Variants in RRN3 observed in about 807,000 individuals in gnomAD.
The protein encoded by RRN3 is RNA polymerase I transcription factor RRN3.
In RRN3, 38 loss-of-function variants were observed where a neutral mutation model predicts 82.3. The observed-to-expected ratio is 0.46, with a 90% CI of 0.36 to 0.61. The LOEUF (loss-of-function observed/expected upper bound fraction) is 0.61. Among genes scored for constraint, RRN3 ranks in the 20% least tolerant of loss-of-function variants. RRN3 has a pLI of 0.00. For missense variants in RRN3, 726 were observed against 793.1 expected (o/e 0.92, Z 1.02); for synonymous variants, 284 against 284.3 (o/e 1.00, Z 0.01).
chr16:15,088,214 T>C (rs536146598), intron 3 of RRN3, among the ~76,000 whole-genome samples: 41 of 152,288 alleles, frequency 2.7e-4, no homozygotes, highest in Non-Finnish European at 4.9e-4. Context: ...GGCTCATGCC[T>C]GTAATCCCAG....
At chr16:15,068,551 A>T (rs1039481659) in intron 14 of RRN3, among the ~76,000 whole-genome samples, 1 of 152,174 alleles carries the variant, frequency 6.6e-6, no homozygotes, top group Non-Finnish European at 1.5e-5. Flanking sequence ...TGTGAAATTC[A>T]TATGTTTGCA....
chr16:15,064,630 C>A (rs2044876856), intron 16 of RRN3, among the ~76,000 whole-genome samples: 2 of 152,190 alleles, frequency 1.3e-5, no homozygotes, highest in Non-Finnish European at 2.9e-5. Flanking sequence ...GTTTAAATAA[C>A]AGTTTAAAGA....
intron 10 of RRN3, among the ~76,000 whole-genome samples, chr16:15,075,244 C>A (rs1358913859): frequency 6.8e-6 from 1 of 146,040 alleles, no homozygotes; most frequent in African/African-American, 2.5e-5. Context: ...AGACTCTGTG[C>A]CCCACCAAAA....
intron 3 of RRN3, among the ~76,000 whole-genome samples, chr16:15,088,312 G>T (rs1022961302): frequency 6.6e-6 from 1 of 152,068 alleles, no homozygotes; most frequent in Non-Finnish European, 1.5e-5. Context: ...CTCATCTCCA[G>T]AAAAATTAGC....
intron 17 of RRN3, 70 bp from the exon 18 acceptor site, chr16:15,061,975 T>C: frequency 6.9e-7 from 1 of 1,442,690 alleles, no homozygotes; most frequent in Non-Finnish European, 9.6e-7. Flanking sequence ...AATTCCTTCC[T>C]CAGGAAGGTG....
At chr16:15,063,096 C>T (rs4012850) in intron 17 of RRN3, 100 bp downstream of exon 17, 12 of 889,138 alleles carry the variant, frequency 1.3e-5, no homozygotes, top group Admixed American at 6.9e-5. Flanking sequence ...CCCTAAAGTG[C>T]GGGGATTACA....
intron 11 of RRN3, 35 bp from the exon 12 acceptor site, chr16:15,073,115 A>G (rs888013718): frequency 4.4e-6 from 7 of 1,597,772 alleles, no homozygotes; most frequent in East Asian, 2.2e-5. Flanking sequence ...GTTTTTATAA[A>G]GACATATTTT....
intron 12 of RRN3, among the ~76,000 whole-genome samples, chr16:15,072,297 T>A (rs1009230454): frequency 3.3e-5 from 5 of 151,576 alleles, no homozygotes; most frequent in African/African-American, 1.2e-4. Context: ...CTAAAGTTTT[T>A]AAAATTCTAG....
intron 11 of RRN3, among the ~76,000 whole-genome samples, chr16:15,073,963 A>C (rs867581317): frequency 2.6e-5 from 4 of 152,192 alleles, no homozygotes; most frequent in Middle Eastern, 3.2e-3. Flanking sequence ...TAAAGGGCAG[A>C]TTATGAAACA....
chr16:15,074,224 C>G lies in RRN3; in HGVS notation c.997+499G>C, dbSNP rs527635616. On this transcript the variant is annotated intron_variant, in intron 11 of 17. Coordinates refer to ENST00000198767, the MANE Select transcript of RRN3 (RefSeq NM_018427.5). ...CAACTCAGATTCCAGTTCTATTATT[C>G]TGACTCACTGAGCTCATCTTAAATC... Among the ~76,000 whole-genome samples the G allele has an allele frequency of 8.5e-5, 13 of 152,276 alleles. No homozygotes were observed. In the South Asian group the frequency reaches 2.7e-3, roughly 32 times the overall value.
chr16:15,086,011 C>A, intron 5 of RRN3, 118 bp downstream of exon 5: 2 of 697,180 alleles, frequency 2.9e-6, no homozygotes, highest in Non-Finnish European at 4.9e-6. Context: ...GTCTACCAGA[C>A]CTGGTGCCAA....
intron 8 of RRN3, among the ~76,000 whole-genome samples, 157 bp downstream of exon 8, chr16:15,083,356 G>A (rs562055198): frequency 2.1e-4 from 32 of 152,152 alleles, no homozygotes; most frequent in Non-Finnish European, 2.4e-4. Flanking sequence ...CCAAGATGAC[G>A]CCATTGCACT....
chr16:15,068,689 C>G (rs572278830), intron 14 of RRN3, among the ~76,000 whole-genome samples: 5 of 152,282 alleles, frequency 3.3e-5, no homozygotes, highest in Non-Finnish European at 5.9e-5. Flanking sequence ...GTTAGTGAAG[C>G]TGAGTGCTGT....
intron 8 of RRN3, among the ~76,000 whole-genome samples, chr16:15,080,316 T>C (rs1171808417): frequency 1.3e-5 from 2 of 152,236 alleles, no homozygotes; most frequent in Non-Finnish European, 2.9e-5. Context: ...TGCATAACTA[T>C]AGGTTTTTAA....
intron 3 of RRN3, among the ~76,000 whole-genome samples, chr16:15,089,811 A>AAC (rs1555463212): frequency 2.1e-4 from 28 of 132,920 alleles, no homozygotes; most frequent in Non-Finnish European, 3.5e-4. Context: ...AAAAAAAAAA[A>AAC]CAGATTAAAG....
intron 2 of RRN3, among the ~76,000 whole-genome samples, chr16:15,091,657 G>A (rs538503470): frequency 8.6e-5 from 13 of 152,044 alleles, no homozygotes; most frequent in Non-Finnish European, 1.5e-4. Context: ...AAAGCATGAG[G>A]GAAAAAAACA....
At chr16:15,076,052 T>C (rs1268522943) in intron 10 of RRN3, among the ~76,000 whole-genome samples, 1 of 152,120 alleles carries the variant, frequency 6.6e-6, no homozygotes, top group Non-Finnish European at 1.5e-5. Context: ...GAATGCCTGG[T>C]GGGAGCAGGC....
intron 5 of RRN3, 56 bp downstream of exon 5, chr16:15,086,073 T>G: frequency 6.6e-7 from 1 of 1,514,690 alleles, no homozygotes; most frequent in Admixed American, 1.9e-5. Context: ...AAGGGGAAGG[T>G]AGTATTTTAA....
At chr16:15,062,591 T>C (rs2044757861) in intron 17 of RRN3, among the ~76,000 whole-genome samples, 1 of 152,230 alleles carries the variant, frequency 6.6e-6, no homozygotes, top group Non-Finnish European at 1.5e-5. Context: ...AACCTGCGTC[T>C]TCACCACCCA....
Sources: gnomAD v4.1 joint callset for allele counts (sites outside exome capture counted in the v4.1 genomes callset) on GRCh38, gnomAD v4.1.1 for gene constraint, MANE v1.5 for transcripts, NCBI Gene and HGNC (gene_info 2026-07-23, HGNC 2026-07-21) for gene names.